FNDC3B: variants seen among roughly 807,000 people sequenced by gnomAD.
FNDC3B encodes fibronectin type III domain containing 3B.
FNDC3B carries 12 observed loss-of-function variants against 151.5 expected under a neutral mutation model. The observed-to-expected ratio is 0.08, with a 90% confidence interval of 0.05 to 0.13. The LOEUF (loss-of-function observed/expected upper bound fraction) is 0.13, where lower values mean the gene tolerates loss of function less well. Ranked by LOEUF, FNDC3B falls within the 10% of genes least tolerant of loss-of-function variation. The pLI is 1.00. For synonymous variants in FNDC3B, 528 were observed against 549.0 expected (o/e 0.96, Z 0.54); for missense variants, 1,214 against 1,505.3 (o/e 0.81, Z 3.20).
intron 3 of FNDC3B, among the ~76,000 whole-genome samples, chr3:172,139,960 C>T (rs1032597439): frequency 1.3e-5 from 2 of 152,066 alleles, no homozygotes; most frequent in Non-Finnish European, 2.9e-5. Flanking sequence ...TGTGCCTGTC[C>T]GAAACCCATT....
At chr3:172,066,781 T>G (rs1156764983) in intron 1 of FNDC3B, among the ~76,000 whole-genome samples, 1 of 152,238 alleles carries the variant, frequency 6.6e-6, no homozygotes, top group Non-Finnish European at 1.5e-5. Context: ...AAAGGAATTT[T>G]TATCTGTTTT....
At chr3:172,094,818 G>A (rs1258246522) in intron 1 of FNDC3B, among the ~76,000 whole-genome samples, 1 of 151,688 alleles carries the variant, frequency 6.6e-6, no homozygotes, top group Non-Finnish European at 1.5e-5. Flanking sequence ...GAGCGGGTGT[G>A]TAGTGGCTTA....
At chr3:172,380,922 G>A (rs1324691151) in intron 24 of FNDC3B, 44 bp from the exon 25 acceptor site, 6 of 1,605,414 alleles carry the variant, frequency 3.7e-6, no homozygotes, top group Non-Finnish European at 5.1e-6. Context: ...CTATTAACAT[G>A]ATACTTTGAA....
intron 3 of FNDC3B, among the ~76,000 whole-genome samples, chr3:172,158,398 T>G (rs1722604290): frequency 6.6e-6 from 1 of 152,236 alleles, no homozygotes; most frequent in Non-Finnish European, 1.5e-5. Flanking sequence ...TTACATTTCT[T>G]CAATGGCTAG....
chr3:172,080,812 T>C (rs1468900924), intron 1 of FNDC3B, among the ~76,000 whole-genome samples: 1 of 152,216 alleles, frequency 6.6e-6, no homozygotes, highest in Non-Finnish European at 1.5e-5. Context: ...GCACCTCATG[T>C]GTTTCATGTA....
chr3:172,058,502 T>C (rs1717029525), intron 1 of FNDC3B, among the ~76,000 whole-genome samples: 1 of 152,116 alleles, frequency 6.6e-6, no homozygotes, highest in African/African-American at 2.4e-5. Context: ...ATTTTTCCTT[T>C]TTATATAAGC....
chr3:172,313,448 A>G (rs1731621399), intron 11 of FNDC3B, among the ~76,000 whole-genome samples: 1 of 152,212 alleles, frequency 6.6e-6, no homozygotes. Flanking sequence ...TTATGCTCTC[A>G]CAAAACAGAT....
intron 6 of FNDC3B, among the ~76,000 whole-genome samples, chr3:172,283,397 TTA>T (rs1729841052): frequency 6.6e-6 from 1 of 152,210 alleles, no homozygotes; most frequent in Non-Finnish European, 1.5e-5. Flanking sequence ...CTCTGTTCTT[TTA>T]TAGTGTATTT....
chr3:172,286,041 C>CTA (rs1729992461), intron 7 of FNDC3B, 57 bp downstream of exon 7: 1 of 958,112 alleles, frequency 1.0e-6, no homozygotes. Context: ...TTCAAATGTG[C>CTA]TTTTTTTTTT....
intron 3 of FNDC3B, among the ~76,000 whole-genome samples, chr3:172,158,055 G>A (rs1004045568): frequency 2.6e-5 from 4 of 152,134 alleles, no homozygotes; most frequent in Admixed American, 6.5e-5. Flanking sequence ...CATCTATGAG[G>A]AACGGGCTTT....
chr3:172,399,058 G>C lies in FNDC3B; in HGVS notation c.*1583G>C, dbSNP rs1350296728. The C allele has an allele frequency of 6.6e-6, 1 of 152,578 alleles. No individual in the cohort carries two copies. The highest frequency in any genetic ancestry group is 1.5e-5 in the Non-Finnish European group (1 of 68,008). 9.5% of individuals were successfully genotyped at this position (152,578 alleles called of 1,614,324 possible). ...TCTTGATCATAGCTATTTTGTGCTT[G>C]ATCTTTATTGTCTAAGATGCAGTAT... On this transcript the variant is annotated 3_prime_UTR_variant, in exon 26 of 26. Coordinates refer to ENST00000415807, the MANE Select transcript of FNDC3B (RefSeq NM_022763.4).
chr3:172,100,211 AAG>A (rs745380684), intron 1 of FNDC3B, among the ~76,000 whole-genome samples: 1 of 152,246 alleles, frequency 6.6e-6, no homozygotes, highest in Non-Finnish European at 1.5e-5. Flanking sequence ...TTCAGCACAG[AAG>A]AGTGTCTTGC....
chr3:172,199,785 C>A (rs1725044105), intron 3 of FNDC3B, among the ~76,000 whole-genome samples: 1 of 152,048 alleles, frequency 6.6e-6, no homozygotes, highest in South Asian at 2.1e-4. Context: ...ACAAGGAAGA[C>A]AATTATTTAC....
chr3:172,048,675 C>T (rs1422867739), intron 1 of FNDC3B, among the ~76,000 whole-genome samples: 2 of 151,912 alleles, frequency 1.3e-5, no homozygotes. Flanking sequence ...TTGACAATAC[C>T]TAAAAGGTAG....
chr3:172,140,216 A>T (rs1327856339), intron 3 of FNDC3B, among the ~76,000 whole-genome samples: 1 of 152,216 alleles, frequency 6.6e-6, no homozygotes, highest in Non-Finnish European at 1.5e-5. Flanking sequence ...TTACTCTACC[A>T]ACTCTCCAGC....
At chr3:172,356,306 C>T (rs1734096111) in intron 22 of FNDC3B, among the ~76,000 whole-genome samples, 1 of 152,140 alleles carries the variant, frequency 6.6e-6, no homozygotes, top group Non-Finnish European at 1.5e-5. Flanking sequence ...CTCTCTGTGC[C>T]TCAGTTTCCT....
intron 6 of FNDC3B, among the ~76,000 whole-genome samples, chr3:172,275,645 T>A (rs1729397048): frequency 6.6e-6 from 1 of 152,208 alleles, no homozygotes; most frequent in Non-Finnish European, 1.5e-5. Context: ...TTCCTCAGAG[T>A]GGTTGCAATT....
At chr3:172,055,553 T>G (rs1333086437) in intron 1 of FNDC3B, among the ~76,000 whole-genome samples, 1 of 151,212 alleles carries the variant, frequency 6.6e-6, no homozygotes, top group African/African-American at 2.5e-5. Context: ...GCATACTAGT[T>G]GACAAAAAAG....
intron 1 of FNDC3B, among the ~76,000 whole-genome samples, chr3:172,061,442 C>G (rs966325827): frequency 6.6e-6 from 1 of 152,034 alleles, no homozygotes; most frequent in Non-Finnish European, 1.5e-5. Context: ...CCGTGTTAGC[C>G]AGGATGGTCT....
Sources: gnomAD v4.1 joint callset for allele counts (sites outside exome capture counted in the v4.1 genomes callset) on GRCh38, gnomAD v4.1.1 for gene constraint, MANE v1.5 for transcripts, NCBI Gene and HGNC (gene_info 2026-07-23, HGNC 2026-07-21) for gene names.